The following SLK variants were observed in gnomAD, a reference collection of about 807,000 sequenced individuals.
The protein encoded by SLK is STE20 like kinase.
Under a neutral mutation model 147.7 loss-of-function variants are expected in SLK, and 67 were observed. The observed-to-expected ratio is 0.45, with a 90% CI of 0.37 to 0.56. The LOEUF is 0.56. Ranked by LOEUF, SLK falls within the 20% of genes least tolerant of loss-of-function variation. The pLI is 0.00. For missense variants in SLK, 1,136 were observed against 1,438.8 expected (o/e 0.79, Z 3.41); for synonymous variants, 441 against 475.0 (o/e 0.93, Z 0.93).
At chr10:104,004,087 GT>G (rs1429825197) in intron 9 of SLK, among the ~76,000 whole-genome samples, 1 of 140,738 alleles carries the variant, frequency 7.1e-6, no homozygotes, top group Non-Finnish European at 1.5e-5. Flanking sequence ...ATCACTATTT[GT>G]AAAAAAAAAA....
intron 1 of SLK, 130 bp downstream of exon 1, chr10:103,968,025 T>G (rs963088025): frequency 1.1e-6 from 1 of 936,082 alleles, no homozygotes; most frequent in Non-Finnish European, 1.6e-6. Flanking sequence ...GATGCAACTT[T>G]ACTTGGCTGA....
chr10:104,019,555 A>G (rs566498189), intron 15 of SLK, among the ~76,000 whole-genome samples, 179 bp from the exon 16 acceptor site: 3 of 152,336 alleles, frequency 2.0e-5, no homozygotes, highest in African/African-American at 7.2e-5. Flanking sequence ...TACAGGTGTC[A>G]GCCACCAGAC....
chr10:104,008,635 T>C (rs899303196), intron 12 of SLK, among the ~76,000 whole-genome samples: 1 of 152,158 alleles, frequency 6.6e-6, no homozygotes, highest in African/African-American at 2.4e-5. Context: ...TACCCCTAAA[T>C]ATCCAGCTAA....
At chr10:103,999,767 TTACA>T (rs1243699334) in intron 6 of SLK, 96 bp from the exon 7 acceptor site, 8 of 567,512 alleles carry the variant, frequency 1.4e-5, no homozygotes, top group South Asian at 1.0e-4. Flanking sequence ...ATTAATACTA[TTACA>T]TACATAATGA....
intron 15 of SLK, among the ~76,000 whole-genome samples, 158 bp from the exon 16 acceptor site, chr10:104,019,576 T>C (rs892267952): frequency 6.6e-6 from 1 of 152,204 alleles, no homozygotes; most frequent in African/African-American, 2.4e-5. Context: ...CTAGCCTAAC[T>C]TCTTACAAGT....
At chr10:104,016,666 A>G (rs1330874450) in intron 13 of SLK, among the ~76,000 whole-genome samples, 1 of 152,194 alleles carries the variant, frequency 6.6e-6, no homozygotes, top group Non-Finnish European at 1.5e-5. Context: ...ATGAAACAGC[A>G]GCATTTACAA....
At chr10:103,968,787 C>A (rs978878369) in intron 1 of SLK, among the ~76,000 whole-genome samples, 1 of 152,138 alleles carries the variant, frequency 6.6e-6, no homozygotes, top group Non-Finnish European at 1.5e-5. Flanking sequence ...ATTTGGCCCC[C>A]ACAAAAATCT....
chr10:103,986,408 A>G (rs780878562), intron 1 of SLK, among the ~76,000 whole-genome samples: 18 of 152,280 alleles, frequency 1.2e-4, no homozygotes, highest in South Asian at 2.1e-4. Context: ...GCAGTTCACA[A>G]TAGGGTTCAC....
At chr10:104,013,093 C>A (rs111860674) in intron 13 of SLK, among the ~76,000 whole-genome samples, 3,701 of 152,258 alleles carry the variant, frequency 0.024, 145 homozygotes, top group African/African-American at 0.085. Context: ...AGTAATCTAA[C>A]AAATATTAAA....
At chr10:104,013,857 C>G (rs942723662) in intron 13 of SLK, among the ~76,000 whole-genome samples, 5 of 152,220 alleles carry the variant, frequency 3.3e-5, no homozygotes, top group Non-Finnish European at 5.9e-5. Flanking sequence ...TGACTTTAGA[C>G]TTCAGTATTC....
chr10:104,012,915 C>T (rs748395213), intron 13 of SLK, among the ~76,000 whole-genome samples: 1 of 152,120 alleles, frequency 6.6e-6, no homozygotes, highest in Non-Finnish European at 1.5e-5. Context: ...GGCCATGTAT[C>T]AAATTCTAAA....
At chr10:103,982,812 G>A (rs777371404) in intron 1 of SLK, among the ~76,000 whole-genome samples, 6 of 152,224 alleles carry the variant, frequency 3.9e-5, no homozygotes, top group Non-Finnish European at 5.9e-5. Context: ...CACCTCTCAT[G>A]AAGAGATGAC....
chr10:104,025,560 C>G lies in SLK; in HGVS notation c.3562-14C>G. 1 of 1,610,540 alleles carries G rather than the reference C, an allele frequency of 6.2e-7. No homozygotes were observed. The highest frequency in any genetic ancestry group is 8.5e-7 in the Non-Finnish European group (1 of 1,178,360). The stretch of plus-strand genomic sequence containing the variant: ...ACCAGCACATAGCAATTTCTTTTTC[C>G]CTTTCTTTTTAAGACACTGGAAGAA... On this transcript the variant is annotated splice_polypyrimidine_tract_variant and intron_variant, in intron 18 of 18. Coordinates refer to ENST00000369755, the MANE Select transcript of SLK (RefSeq NM_014720.4).
rs148165109 is a variant in SLK, at chr10:104,024,892, A to G, written c.3562-682A>G. Among the ~76,000 whole-genome samples, 603 of 152,270 alleles carry G rather than the reference A, an allele frequency of 4.0e-3. 4 individuals are homozygous for G. The highest frequency in any genetic ancestry group is 6.1e-3 in the Admixed American group (94 of 15,288). The stretch of plus-strand genomic sequence containing the variant: ...GAATAACAACTCTCTTTAGCCCCTC[A>G]TGAAGGCACTCATCCCATTTGGAGG... On this transcript the variant is annotated intron_variant, in intron 18 of 18. Transcript: ENST00000369755.
At chr10:103,982,861 C>A (rs1450926267) in intron 1 of SLK, among the ~76,000 whole-genome samples, 2 of 152,140 alleles carry the variant, frequency 1.3e-5, no homozygotes, top group Non-Finnish European at 2.9e-5. Flanking sequence ...TAGTGAAGTG[C>A]AAGAAGGTCT....
intron 18 of SLK, among the ~76,000 whole-genome samples, chr10:104,023,074 T>C (rs2134539413): frequency 6.6e-6 from 1 of 152,368 alleles, no homozygotes; most frequent in South Asian, 2.1e-4. Flanking sequence ...TTGAACTAGT[T>C]GACAGTGGTC....
Position 103,967,576 on chromosome 10 carries a change from C to G in SLK, c.-170C>G, listed in dbSNP as rs1240553328. 5.0e-6 allele frequency: 1 copy of G among 198,636 alleles called. No homozygotes were observed. Among genetic ancestry groups the G allele is most frequent in the Non-Finnish European group, 9.0e-6 (1 of 111,276 alleles). 12.3% of individuals were successfully genotyped at this position (198,636 alleles called of 1,614,324 possible). On this transcript the variant is annotated 5_prime_UTR_variant, in exon 1 of 19. Coordinates refer to ENST00000369755, the MANE Select transcript of SLK (RefSeq NM_014720.4). ...AGCACCCCCACCGCGGGCCGGAGCC[C>G]GGGTCGCCGCCCCGCCTTCTCCCGG...
chr10:104,002,727 G>A lies in SLK; in HGVS notation c.1549G>A (p.Asp517Asn). Residue 517 changes from aspartate to asparagine, a missense_variant, in exon 9 of 19, where the codon GAT (aspartate) becomes AAT (asparagine). Physicochemically the swap from Asp to Asn is conservative, Grantham distance 23. This residue lies in a region of SLK where 516 missense variants were observed against 531.3 expected (regional missense o/e 0.97). Coordinates refer to ENST00000369755, the MANE Select transcript of SLK (RefSeq NM_014720.4). Reference sequence around the variant, plus strand: ...AAAAGAGGCAAATATTCAGGCAGTTGATAGTGAAGTTGGGCTTACAAAGGA... The same window carrying A: ...AAAAGAGGCAAATATTCAGGCAGTTAATAGTGAAGTTGGGCTTACAAAGGA... ...GEKEANIQAV[D>N]SEVGLTKEDT... 1 of 1,613,586 alleles carries A rather than the reference G, an allele frequency of 6.2e-7. No individual in the cohort carries two copies. The highest frequency in any genetic ancestry group is 8.5e-7 in the Non-Finnish European group (1 of 1,179,882).
rs759258207 is a variant in SLK, at chr10:104,001,396, T to C, written c.865-48T>C. 2.7e-6 allele frequency: 4 copies of C among 1,466,262 alleles called. No homozygotes were observed. The Admixed American group carries it at 5.1e-5, about 19-fold the overall frequency. The allele number at this position is 1,466,262 out of a possible 1,614,324, so 90.8% of individuals were successfully genotyped here. On this transcript the variant is annotated intron_variant, in intron 7 of 18. Coordinates refer to ENST00000369755, the MANE Select transcript of SLK (RefSeq NM_014720.4). ...TGTGTTGTGTGTGTTTGAAACTTAG[T>C]TTAGTAGTATTCCAGTTGTTGAGTA...
Sources: allele counts gnomAD v4.1 joint callset (sites outside exome capture counted in the v4.1 genomes callset), GRCh38; gene constraint gnomAD v4.1.1; regional missense constraint gnomAD v4.1.1; transcripts MANE v1.5; gene names NCBI Gene and HGNC (gene_info 2026-07-23, HGNC 2026-07-21).